The following TPPP variants were observed in gnomAD, a reference collection of about 807,000 sequenced individuals.
TPPP encodes the protein tubulin polymerization promoting protein, also known as tubulin polymerization-promoting protein.
TPPP carries 6 observed loss-of-function variants against 15.5 expected under a neutral mutation model. The observed-to-expected ratio is 0.39, with a 90% CI of 0.21 to 0.77. TPPP has a LOEUF of 0.77. TPPP is among the 30% of genes least tolerant of loss of function. TPPP has a pLI of 0.42. For synonymous variants in TPPP, 146 were observed against 133.9 expected (o/e 1.09, Z -0.63); for missense variants, 269 against 307.2 (o/e 0.88, Z 0.93).
upstream of TPPP, among the ~76,000 whole-genome samples, chr5:695,629 T>C (rs2126920023): frequency 6.6e-6 from 1 of 151,622 alleles, no homozygotes; most frequent in East Asian, 1.9e-4. Flanking sequence ...CTCCAGGCGG[T>C]CCTGGGTGGT....
the TPPP span, among the ~76,000 whole-genome samples, chr5:700,133 A>T: frequency 1.3e-5 from 2 of 152,122 alleles, no homozygotes; most frequent in African/African-American, 4.8e-5. Flanking sequence ...ATCAAAAACC[A>T]CCTGCACTTT....
chr5:665,663 C>T (rs1171317674), intron 3 of TPPP, among the ~76,000 whole-genome samples: 8 of 141,640 alleles, frequency 5.6e-5, no homozygotes, highest in African/African-American at 8.0e-5. Context: ...CCCCAGGCCA[C>T]GCCGACCTGG....
intron 2 of TPPP, among the ~76,000 whole-genome samples, chr5:673,537 G>A (rs544483033): frequency 3.9e-5 from 6 of 152,240 alleles, no homozygotes; most frequent in East Asian, 1.9e-4. Flanking sequence ...GCTGCTGCCC[G>A]CAGGACAATC....
At chr5:694,220 G>C (rs1740976874), upstream of TPPP, among the ~76,000 whole-genome samples, 1 of 151,952 alleles carries the variant, frequency 6.6e-6, no homozygotes, top group South Asian at 2.1e-4. Flanking sequence ...CCCTCCGCAG[G>C]AGTTGGCTCC....
chr5:671,561 C>A (rs148812131), intron 2 of TPPP, among the ~76,000 whole-genome samples: 1,524 of 152,336 alleles, frequency 0.01, 16 homozygotes, highest in South Asian at 0.022. Flanking sequence ...ACTGGCCAAG[C>A]GCAGGAGACG....
chr5:665,603 G>C (rs1006758727), intron 3 of TPPP, among the ~76,000 whole-genome samples: 21 of 150,590 alleles, frequency 1.4e-4, no homozygotes, highest in Non-Finnish European at 2.1e-4. Context: ...CACCCTCCAG[G>C]CTATGCCCCC....
chr5:683,754 G>A (rs1740690049), intron 1 of TPPP, among the ~76,000 whole-genome samples: 1 of 152,276 alleles, frequency 6.6e-6, no homozygotes, highest in African/African-American at 2.4e-5. Context: ...GCGCTCAGCA[G>A]TATTCAGGCA....
intron 1 of TPPP, among the ~76,000 whole-genome samples, chr5:688,584 G>C (rs1392165706): frequency 6.6e-6 from 1 of 151,986 alleles, no homozygotes; most frequent in Non-Finnish European, 1.5e-5. Context: ...GCTGGCACTA[G>C]AACTGCAGGT....
chr5:665,234 G>A lies in TPPP; in HGVS notation c.528C>T (p.His176=). 6.2e-7 allele frequency: 1 copy of A among 1,613,864 alleles called. No homozygotes were observed. Among genetic ancestry groups the A allele is most frequent in the Non-Finnish European group, 8.5e-7 (1 of 1,179,960 alleles). Residue 176 remains histidine (H), a synonymous_variant, in exon 4 of 4, where the codon CAC becomes CAT. Transcript: ENST00000360578. ...LTDTTKFTGS[H]KERFDPSGKG... Reference sequence around the variant, plus strand: ...TGCCAGAGGGGTCGAAGCGCTCCTTGTGGGAGCCCGTGAACTTGGTGGTGT... The same window carrying A: ...TGCCAGAGGGGTCGAAGCGCTCCTTATGGGAGCCCGTGAACTTGGTGGTGT...
chr5:677,905 C>T lies in TPPP; in HGVS notation c.156G>A (p.Glu52=), dbSNP rs1437971763. 6.2e-7 allele frequency: 1 copy of T among 1,612,818 alleles called. No homozygotes were observed. The highest frequency in any genetic ancestry group is 8.5e-7 in the Non-Finnish European group (1 of 1,179,884). Residue 52 remains glutamate (E), a synonymous_variant, in exon 2 of 4, where the codon GAG becomes GAA. Transcript: ENST00000360578. ...AAASPELSAL[E]EAFRRFAVHG... is the part of the protein sequence containing the mutation. ...GCACGGCAAAGCGCCGGAAGGCCTC[C>T]TCCAGGGCACTGAGCTCAGGGGATG...
intron 2 of TPPP, among the ~76,000 whole-genome samples, chr5:676,834 G>A (rs1050215715): frequency 3.0e-5 from 3 of 101,028 alleles, no homozygotes; most frequent in Non-Finnish European, 5.0e-5. Context: ...ATGCGCACAC[G>A]TGCACACACG....
chr5:678,776 T>C (rs1392214487), intron 1 of TPPP, among the ~76,000 whole-genome samples: 1 of 152,122 alleles, frequency 6.6e-6, no homozygotes, highest in Admixed American at 6.5e-5. Context: ...CCCTCTGGAC[T>C]TTGCAAGGCG....
At chr5:684,842 T>G (rs921047184) in intron 1 of TPPP, among the ~76,000 whole-genome samples, 1 of 152,142 alleles carries the variant, frequency 6.6e-6, no homozygotes, top group Non-Finnish European at 1.5e-5. Context: ...TGTCAGGCAG[T>G]CAGAGCTCCC....
the TPPP span, among the ~76,000 whole-genome samples, chr5:700,307 C>A: frequency 6.6e-6 from 1 of 151,924 alleles, no homozygotes. Context: ...TGGATAGAGG[C>A]CATTATCCTG....
chr5:677,564 T>C (rs1740491228), intron 2 of TPPP, among the ~76,000 whole-genome samples, 186 bp downstream of exon 2: 1 of 151,348 alleles, frequency 6.6e-6, no homozygotes, highest in Admixed American at 6.6e-5. Context: ...CCCGGACCCC[T>C]GCTCCCTGGG....
chr5:686,397 G>A (rs1740767841), intron 1 of TPPP, among the ~76,000 whole-genome samples: 1 of 151,940 alleles, frequency 6.6e-6, no homozygotes, highest in Non-Finnish European at 1.5e-5. Context: ...CAAGGGGGCA[G>A]AGCAGGTTAC....
Position 662,399 on chromosome 5 carries a change from C to G in TPPP, c.*2703G>C, listed in dbSNP as rs1739665643. ...CTGAGGCCAACCAGGGACCAGGAGG[C>G]AGCGTCCTGGTGCCCAGCACCTCTC... On this transcript the variant is annotated 3_prime_UTR_variant, in exon 4 of 4. Coordinates refer to ENST00000360578, the MANE Select transcript of TPPP (RefSeq NM_007030.3). 6.6e-6 allele frequency: 1 copy of G among 152,510 alleles called. No individual in the cohort carries two copies. The highest frequency in any genetic ancestry group is 1.5e-5 in the Non-Finnish European group (1 of 68,092). 9.4% of individuals were successfully genotyped at this position (152,510 alleles called of 1,614,324 possible).
At chr5:670,948 C>T (rs185589790) in intron 2 of TPPP, among the ~76,000 whole-genome samples, 1 of 152,212 alleles carries the variant, frequency 6.6e-6, no homozygotes, top group Non-Finnish European at 1.5e-5. Flanking sequence ...CTTCCTGCAC[C>T]CTACTTGGCT....
chr5:679,576 G>A (rs1382658190), intron 1 of TPPP, among the ~76,000 whole-genome samples: 1 of 152,118 alleles, frequency 6.6e-6, no homozygotes, highest in Non-Finnish European at 1.5e-5. Context: ...TGCAGCAGGG[G>A]TCGCTGGACA....
Sources: gnomAD v4.1 joint callset for allele counts (sites outside exome capture counted in the v4.1 genomes callset) on GRCh38, gnomAD v4.1.1 for gene constraint, MANE v1.5 for transcripts, NCBI Gene and HGNC (gene_info 2026-07-23, HGNC 2026-07-21) for gene names.